Variants in ZC2HC1B observed in about 807,000 individuals in gnomAD.
The protein encoded by ZC2HC1B is zinc finger C2HC domain-containing protein 1B.
ZC2HC1B carries 36 observed loss-of-function variants against 31.0 expected under a neutral mutation model. The ratio of observed to expected loss-of-function variants is 1.16; its 90% CI spans 0.89 to 1.54. ZC2HC1B has a LOEUF of 1.54. Among genes scored for constraint, ZC2HC1B ranks in the 40% most tolerant of loss-of-function variants. The pLI is 0.00. For synonymous variants in ZC2HC1B, 73 were observed against 88.0 expected, an observed-to-expected ratio of 0.83 and a Z score of 0.95; for missense variants, 260 against 268.6, an observed-to-expected ratio of 0.97 and a Z score of 0.22.
rs1778008567 is a variant in ZC2HC1B, at chr6:143,923,944, T to G, written c.599-13705T>G. On this transcript the variant is annotated intron_variant, in intron 6 of 7. Coordinates refer to ENST00000237275, the MANE Select transcript of ZC2HC1B (RefSeq NM_001013623.3). This position sits in a 1 kb window ranked among gnomAD's most constrained non-coding sequence, Gnocchi z 4.8. ...ATGGCTATTTGAGCTCTTTAATGGTTCTATACAAATTTTAGGATTTTTTTG... is the reference window on the plus strand; with the variant it reads ...ATGGCTATTTGAGCTCTTTAATGGTGCTATACAAATTTTAGGATTTTTTTG... Among the ~76,000 whole-genome samples, 1 of 152,112 alleles carries G rather than the reference T, an allele frequency of 6.6e-6. No homozygotes were observed. Among genetic ancestry groups the G allele is most frequent in the Non-Finnish European group, 1.5e-5 (1 of 67,966 alleles).
rs1582946510 is a variant in ZC2HC1B, at chr6:143,865,720, T to A, written c.28+1153T>A. Among the ~76,000 whole-genome samples the A allele has an allele frequency of 6.6e-6, 1 of 151,744 alleles. No homozygotes were observed. Among genetic ancestry groups the A allele is most frequent in the South Asian group, 2.1e-4 (1 of 4,816 alleles). ...AAAGATTTCAGAAAAGAATTAAACATAGAACCATAGCAGGGCCTAGAATCA... is the reference window on the plus strand; with the variant it reads ...AAAGATTTCAGAAAAGAATTAAACAAAGAACCATAGCAGGGCCTAGAATCA... On this transcript the variant is annotated intron_variant, in intron 1 of 7. Coordinates refer to ENST00000237275, the MANE Select transcript of ZC2HC1B (RefSeq NM_001013623.3). This position sits in a 1 kb window ranked among gnomAD's most constrained non-coding sequence, Gnocchi z 4.4.
rs540804387 is a variant in ZC2HC1B at position 143,912,693 on chromosome 6, C to T, written c.598+9541C>T. Among the ~76,000 whole-genome samples, 68 of 152,352 alleles carry T rather than the reference C, an allele frequency of 4.5e-4. No homozygotes were observed. The South Asian group carries it at 0.013, about 30-fold the overall frequency. On this transcript the variant is annotated intron_variant, in intron 6 of 7. Coordinates refer to ENST00000237275, the MANE Select transcript of ZC2HC1B (RefSeq NM_001013623.3). ...TTTGCCTGTAGGAGGTGGCTGAAGA[C>T]TCCTGTTGGGGGGTCTTACCCAGTC...
At chr6:143,928,398 C>T (rs1253447057) in intron 6 of ZC2HC1B, among the ~76,000 whole-genome samples, 1 of 152,080 alleles carries the variant, frequency 6.6e-6, no homozygotes, top group East Asian at 1.9e-4. Flanking sequence ...TTTTTGTCAA[C>T]TTTGTCGAAT....
chr6:143,864,518 G>A lies in ZC2HC1B; in HGVS notation c.-22G>A. The A allele has an allele frequency of 6.4e-7, 1 of 1,551,534 alleles. No individual in the cohort carries two copies. Among genetic ancestry groups the A allele is most frequent in the Non-Finnish European group, 8.7e-7 (1 of 1,146,856 alleles). ...TGGGCTGTAAAAATCTGTGAACACT[G>A]TTGCTCTGAGTTAGGAACAGAATGG... is the stretch of plus-strand genomic sequence containing the variant. On this transcript the variant is annotated 5_prime_UTR_variant, in exon 1 of 8. Transcript: ENST00000237275.
Position 143,921,784 on chromosome 6 carries a change from T to G in ZC2HC1B, c.599-15865T>G, listed in dbSNP as rs985969444. 3.9e-5 allele frequency among the ~76,000 whole-genome samples: 6 copies of G among 152,212 alleles called. No homozygotes were observed. The South Asian group carries it at 6.2e-4, about 16-fold the overall frequency. On this transcript the variant is annotated intron_variant, in intron 6 of 7. Coordinates refer to ENST00000237275, the MANE Select transcript of ZC2HC1B (RefSeq NM_001013623.3). The surrounding 1 kb of genome is among the most constrained non-coding windows in gnomAD (Gnocchi z 6.1). ...GTCTCTACAAGAAAAATTTAAAAATTTGCTACATGTGGTGGCACCCACTTG... is the reference window on the plus strand; with the variant it reads ...GTCTCTACAAGAAAAATTTAAAAATGTGCTACATGTGGTGGCACCCACTTG...
In ZC2HC1B at chr6:143,922,764, T is replaced by C. The variant is rs1473845780; in HGVS notation, c.599-14885T>C. Among the ~76,000 whole-genome samples the C allele has an allele frequency of 2.0e-5, 3 of 152,294 alleles. No individual in the cohort carries two copies. Among genetic ancestry groups the C allele is most frequent in the Admixed American group, 6.5e-5 (1 of 15,288 alleles). On this transcript the variant is annotated intron_variant, in intron 6 of 7. Transcript: ENST00000237275. The surrounding 1 kb of genome is among the most constrained non-coding windows in gnomAD (Gnocchi z 5.0). Reference sequence around the variant, plus strand: ...TTATTCATTCATCCATTAATGAACATTTAGATTGATTTCATATGTTGCTAT... The same window carrying C: ...TTATTCATTCATCCATTAATGAACACTTAGATTGATTTCATATGTTGCTAT...
chr6:143,912,829 G>A (rs1582969588), intron 6 of ZC2HC1B, among the ~76,000 whole-genome samples: 1 of 152,326 alleles, frequency 6.6e-6, no homozygotes, highest in Non-Finnish European at 1.5e-5. Flanking sequence ...AAGGCCCACA[G>A]GCTGGACAAG....
At chr6:143,892,159 C>G (rs1285365372) in intron 4 of ZC2HC1B, among the ~76,000 whole-genome samples, 2 of 152,142 alleles carry the variant, frequency 1.3e-5, no homozygotes, top group Non-Finnish European at 2.9e-5. Context: ...GTACAAGAAG[C>G]ATGGCACTGG....
At position 143,895,936 on chromosome 6, in the gene ZC2HC1B, G is replaced by T. The variant is rs759295924; in HGVS notation, c.350-2616G>T. ...ACATTATTGATAGAGGAAGAGAGGT[G>T]ACTCCGATTGAGCTGAGTGTAGAAC... On this transcript the variant is annotated intron_variant, in intron 4 of 7. Transcript: ENST00000237275. This position sits in a 1 kb window ranked among gnomAD's most constrained non-coding sequence, Gnocchi z 4.8. Among the ~76,000 whole-genome samples, 2 of 152,188 alleles carry T rather than the reference G, an allele frequency of 1.3e-5. No individual in the cohort carries two copies. Among genetic ancestry groups the T allele is most frequent in the African/African-American group, 2.4e-5 (1 of 41,440 alleles).
Position 143,872,677 on chromosome 6 carries a change from G to A in ZC2HC1B, c.28+8110G>A, listed in dbSNP as rs1356105085. On this transcript the variant is annotated intron_variant, in intron 1 of 7. Transcript: ENST00000237275. This position sits in a 1 kb window ranked among gnomAD's most constrained non-coding sequence, Gnocchi z 5.5. Reference sequence around the variant, plus strand: ...CTCAGAATCATGGCAGAAGGCAAAAGGCACTACTTACATGGTGGCAGCAAG... The same window carrying A: ...CTCAGAATCATGGCAGAAGGCAAAAAGCACTACTTACATGGTGGCAGCAAG... 6.6e-6 allele frequency among the ~76,000 whole-genome samples: 1 copy of A among 152,148 alleles called. No homozygotes were observed. Among genetic ancestry groups the A allele is most frequent in the African/African-American group, 2.4e-5 (1 of 41,424 alleles).
intron 6 of ZC2HC1B, among the ~76,000 whole-genome samples, chr6:143,936,619 C>T (rs1332506461): frequency 1.3e-5 from 2 of 152,130 alleles, no homozygotes; most frequent in Non-Finnish European, 2.9e-5. Context: ...GAAGGTACTG[C>T]CAAGAAGCTG....
rs73781313 is a variant in ZC2HC1B, at chr6:143,883,679, A to G, written c.29-625A>G. Among the ~76,000 whole-genome samples, 1,304 of 152,308 alleles carry G rather than the reference A, an allele frequency of 8.6e-3. 19 individuals carry two copies. The highest frequency in any genetic ancestry group is 0.029 in the African/African-American group (1,187 of 41,560). ...CATAATATTTTGCTTTTCTCATGATACTTTTCCAATGTCATTAATTTATCT... is the reference window on the plus strand; with the variant it reads ...CATAATATTTTGCTTTTCTCATGATGCTTTTCCAATGTCATTAATTTATCT... On this transcript the variant is annotated intron_variant, in intron 1 of 7. Transcript: ENST00000237275. The surrounding 1 kb of genome is among the most constrained non-coding windows in gnomAD (Gnocchi z 4.1).
chr6:143,886,764 CT>C lies in ZC2HC1B; in HGVS notation c.293del (p.Leu98GlnfsTer17). On this transcript the variant is annotated frameshift_variant, in exon 4 of 8. Transcript: ENST00000237275. LOFTEE classifies it high-confidence loss of function. This position sits in a 1 kb window ranked among gnomAD's most constrained non-coding sequence, Gnocchi z 4.2. Reference sequence around the variant, plus strand: ...AATCCGATCAGCAAAGCAGTGTATGCTAGCCATTAAAGAAGGCCGACCCCTC... The same window carrying C: ...AATCCGATCAGCAAAGCAGTGTATGCAGCCATTAAAGAAGGCCGACCCCTC... ...NAIRSAKQCM[L>X]AIKEGRPLPP... 6.5e-7 allele frequency: 1 copy of C among 1,549,508 alleles called. No individual in the cohort carries two copies. The highest frequency in any genetic ancestry group is 2.0e-5 in the Admixed American group (1 of 50,754).
intron 5 of ZC2HC1B, among the ~76,000 whole-genome samples, chr6:143,900,721 G>T (rs1020090194): frequency 4.6e-5 from 7 of 152,164 alleles, no homozygotes; most frequent in African/African-American, 1.7e-4. Flanking sequence ...TGACAATAAG[G>T]TTTTCAGCTC....
intron 6 of ZC2HC1B, among the ~76,000 whole-genome samples, chr6:143,929,191 A>G (rs1778088089): frequency 6.6e-6 from 1 of 152,124 alleles, no homozygotes; most frequent in African/African-American, 2.4e-5. Flanking sequence ...AATTCTTTCA[A>G]CTTTTTCCCA....
chr6:143,927,207 A>G (rs1778063608), intron 6 of ZC2HC1B, among the ~76,000 whole-genome samples: 1 of 152,082 alleles, frequency 6.6e-6, no homozygotes, highest in Non-Finnish European at 1.5e-5. Flanking sequence ...ACATGGGTAT[A>G]TTGCGTAGTG....
chr6:143,912,951 G>C (rs1237069696), intron 6 of ZC2HC1B, among the ~76,000 whole-genome samples: 1 of 152,218 alleles, frequency 6.6e-6, no homozygotes, highest in Non-Finnish European at 1.5e-5. Flanking sequence ...ACCTGACTGG[G>C]AGTACCTGCC....
rs1777510350 is a variant in ZC2HC1B at position 143,884,809 on chromosome 6, T to C, written c.90+444T>C. Reference sequence around the variant, plus strand: ...TCCTTTAACCTTCCTGTTTTCTGCTTTGCCACGTATACAGAACCTTCAAAT... The same window carrying C: ...TCCTTTAACCTTCCTGTTTTCTGCTCTGCCACGTATACAGAACCTTCAAAT... On this transcript the variant is annotated intron_variant, in intron 2 of 7. Transcript: ENST00000237275. The surrounding 1 kb of genome is among the most constrained non-coding windows in gnomAD (Gnocchi z 5.1). Among the ~76,000 whole-genome samples, 2 of 152,186 alleles carry C rather than the reference T, an allele frequency of 1.3e-5. No individual in the cohort carries two copies. The highest frequency in any genetic ancestry group is 4.8e-5 in the African/African-American group (2 of 41,444).
rs552229555 is a variant in ZC2HC1B, at chr6:143,903,853, A to G, written c.598+701A>G. 6.6e-5 allele frequency among the ~76,000 whole-genome samples: 10 copies of G among 152,340 alleles called. No homozygotes were observed. The South Asian group carries it at 1.4e-3, about 22-fold the overall frequency. On this transcript the variant is annotated intron_variant, in intron 6 of 7. Transcript: ENST00000237275. The surrounding 1 kb of genome is among the most constrained non-coding windows in gnomAD (Gnocchi z 4.3). ...ATGCTATGTAAGTAGTTGTTATGCT[A>G]TATTAAAATTGTTGTATTATTTTTT...
Sources: allele counts gnomAD v4.1 joint callset (sites outside exome capture counted in the v4.1 genomes callset), GRCh38; gene constraint gnomAD v4.1.1; non-coding constraint Gnocchi (gnomAD v3.1); transcripts MANE v1.5; gene names NCBI Gene and HGNC (gene_info 2026-07-23, HGNC 2026-07-21).